The following CSMD3 variants were observed in gnomAD, a reference collection of about 807,000 sequenced individuals.
CSMD3 encodes the protein CUB and sushi domain-containing protein 3.
A neutral mutation model predicts 435.2 loss-of-function variants in CSMD3; 177 were observed. That is an observed-to-expected ratio of 0.41 (90% CI 0.36 to 0.46). The LOEUF (loss-of-function observed/expected upper bound fraction) is 0.46. Ranked by LOEUF, CSMD3 falls within the 20% of genes least tolerant of loss-of-function variation. CSMD3 has a pLI of 0.34. For synonymous variants in CSMD3, 1,656 were observed against 1,520.5 expected (o/e 1.09, Z -2.07); for missense variants, 4,265 against 4,504.6 (o/e 0.95, Z 1.52).
At chr8:112,609,838 C>T (rs1415454986) in intron 22 of CSMD3, among the ~76,000 whole-genome samples, 2 of 152,024 alleles carry the variant, frequency 1.3e-5, no homozygotes, top group Non-Finnish European at 2.9e-5. Flanking sequence ...TATTATTTAG[C>T]ACTTAAAGAG....
In CSMD3 at chr8:112,382,100, G is replaced by A. The variant is rs376476764; in HGVS notation, c.6031+1467C>T. On this transcript the variant is annotated intron_variant, in intron 37 of 70. Coordinates refer to ENST00000297405, the MANE Select transcript of CSMD3 (RefSeq NM_198123.2). ...TGGAAACCAGCCTAGGCAACATAGC[G>A]AGACCTCAGCTCTAAAAAATAAAAT... Among the ~76,000 whole-genome samples the A allele has an allele frequency of 1.8e-4, 28 of 152,008 alleles. 1 individual carries two copies. Among genetic ancestry groups the A allele is most frequent in the South Asian group, 1.7e-3 (8 of 4,816 alleles).
Position 113,198,577 on chromosome 8 carries a change from GTTTGTT to G in CSMD3, c.515-24667_515-24662del, listed in dbSNP as rs1041837943. ...TCATACACTAACTCAGAAGGGTTGT[GTTTGTT>G]TTTGTTTTTGTTTTTTTTTAAAAAG... On this transcript the variant is annotated intron_variant, in intron 3 of 70. Coordinates refer to ENST00000297405, the MANE Select transcript of CSMD3 (RefSeq NM_198123.2). 1.0e-4 allele frequency among the ~76,000 whole-genome samples: 15 copies of G among 150,574 alleles called. 1 individual carries two copies. Among genetic ancestry groups the G allele is most frequent in the African/African-American group, 3.4e-4 (14 of 41,170 alleles).
At chr8:112,238,535 T>C (rs1813813232) in intron 66 of CSMD3, among the ~76,000 whole-genome samples, 1 of 152,020 alleles carries the variant, frequency 6.6e-6, no homozygotes, top group Non-Finnish European at 1.5e-5. Flanking sequence ...TTGATACCAC[T>C]GCCAACTTCC....
intron 5 of CSMD3, among the ~76,000 whole-genome samples, chr8:113,079,593 A>G (rs894082589): frequency 6.6e-6 from 1 of 152,178 alleles, no homozygotes; most frequent in African/African-American, 2.4e-5. Flanking sequence ...TTTGAGTGCT[A>G]GGACTGAAAC....
At position 112,265,566 on chromosome 8, in the gene CSMD3, A is replaced by G. The variant is rs762471353; in HGVS notation, c.9533T>C (p.Ile3178Thr). ...CTIISCGDPG[I>T]PANGLRYGDD... ...TCCATATCTCAGTCCATTGGCTGGT[A>G]TACCTGGGTCTCCACAACTGATTAC... Residue 3178 changes from isoleucine (I) to threonine (T), a missense_variant, in exon 60 of 71, where the codon ATA becomes ACA. By Grantham distance (89) the Ile-to-Thr change is moderately conservative (BLOSUM62 -1). Coordinates refer to ENST00000297405, the MANE Select transcript of CSMD3 (RefSeq NM_198123.2). 6 of 1,613,358 alleles carry G rather than the reference A, an allele frequency of 3.7e-6. No individual in the cohort carries two copies. The highest frequency in any genetic ancestry group is 8.5e-7 in the Non-Finnish European group (1 of 1,179,500).
rs759826733 is a variant in CSMD3, at chr8:112,550,741, G to C, written c.4494C>G (p.Leu1498=). ...SLIPEGIHST[L]NIVTIQFDTD... ...TGTCAAACTGGATGGTTACTATATT[G>C]AGGGTGCTATGAATTCCTTCAGGAA... The change falls in exon 27 of 71, where the codon CTC becomes CTG. Residue 1498 remains leucine (L), a synonymous_variant. Coordinates refer to ENST00000297405, the MANE Select transcript of CSMD3 (RefSeq NM_198123.2). 21 of 1,605,242 alleles carry C rather than the reference G, an allele frequency of 1.3e-5. No homozygotes were observed. The highest frequency in any genetic ancestry group is 1.8e-5 in the Non-Finnish European group (21 of 1,172,452).
At chr8:112,808,137 G>C (rs1395661655) in intron 12 of CSMD3, among the ~76,000 whole-genome samples, 1 of 152,112 alleles carries the variant, frequency 6.6e-6, no homozygotes, top group African/African-American at 2.4e-5. Context: ...AGCTTTCCCA[G>C]AAATTAAGTG....
At chr8:112,301,279 A>G (rs1820899314) in intron 53 of CSMD3, among the ~76,000 whole-genome samples, 1 of 152,064 alleles carries the variant, frequency 6.6e-6, no homozygotes, top group Non-Finnish European at 1.5e-5. Context: ...AAATACTCTA[A>G]GGGGAAAACA....
chr8:112,579,973 T>C (rs1830223888), intron 23 of CSMD3, among the ~76,000 whole-genome samples: 1 of 152,074 alleles, frequency 6.6e-6, no homozygotes, highest in African/African-American at 2.4e-5. Flanking sequence ...GGTAAAAAGA[T>C]TGCCTTGAAT....
At chr8:112,587,264 A>T (rs1354369788) in intron 22 of CSMD3, 29 bp from the exon 23 acceptor site, 2 of 1,514,810 alleles carry the variant, frequency 1.3e-6, no homozygotes, top group Non-Finnish European at 1.8e-6. Flanking sequence ...ATTGAAGTAC[A>T]GTTTAATAGA....
At chr8:112,566,306 C>T (rs1829060168) in intron 24 of CSMD3, among the ~76,000 whole-genome samples, 1 of 151,940 alleles carries the variant, frequency 6.6e-6, no homozygotes, top group Non-Finnish European at 1.5e-5. Context: ...CTCATTTTCT[C>T]CCTGGGAATA....
chr8:113,031,922 T>C (rs1168631353), intron 5 of CSMD3, among the ~76,000 whole-genome samples: 1 of 151,572 alleles, frequency 6.6e-6, no homozygotes, highest in Non-Finnish European at 1.5e-5. Flanking sequence ...GAGGGAGTTC[T>C]CATGAGATAT....
At chr8:113,270,838 G>T (rs1434887063) in intron 3 of CSMD3, among the ~76,000 whole-genome samples, 1 of 151,940 alleles carries the variant, frequency 6.6e-6, no homozygotes, top group Non-Finnish European at 1.5e-5. Context: ...GGTGGGAGGA[G>T]GGGGGAGGGA....
At chr8:112,839,932 G>A (rs1449530899) in intron 11 of CSMD3, among the ~76,000 whole-genome samples, 1 of 151,674 alleles carries the variant, frequency 6.6e-6, no homozygotes, top group Non-Finnish European at 1.5e-5. Flanking sequence ...CCAAAAGACA[G>A]GATGTAAGAT....
chr8:112,880,598 C>A (rs2081418859), intron 10 of CSMD3, among the ~76,000 whole-genome samples: 1 of 152,018 alleles, frequency 6.6e-6, no homozygotes, highest in African/African-American at 2.4e-5. Context: ...TACAGAAAAA[C>A]TCTGGAATTC....
chr8:112,517,084 A>T lies in CSMD3; in HGVS notation c.4706T>A (p.Ile1569Asn). ...CCAGAAGTACCGATTTTCTACCTGAATGCAGGTTATTCTTTCCTCTCCTTG... is the reference window on the plus strand; with the variant it reads ...CCAGAAGTACCGATTTTCTACCTGATTGCAGGTTATTCTTTCCTCTCCTTG... ...ELQGEERITCIQVENRYFWQP... is the reference protein window; with the variant it reads ...ELQGEERITCNQVENRYFWQP... The change falls in exon 28 of 71, where the codon ATT (isoleucine) becomes AAT (asparagine). Residue 1569 changes from isoleucine to asparagine, a missense_variant. Physicochemically the swap from Ile to Asn is moderately radical, Grantham distance 149. Coordinates refer to ENST00000297405, the MANE Select transcript of CSMD3 (RefSeq NM_198123.2). 6.2e-7 allele frequency: 1 copy of T among 1,613,924 alleles called. No homozygotes were observed. Among genetic ancestry groups the T allele is most frequent in the Non-Finnish European group, 8.5e-7 (1 of 1,179,914 alleles).
At chr8:112,288,026 G>C (rs1470426495) in intron 57 of CSMD3, among the ~76,000 whole-genome samples, 1 of 117,870 alleles carries the variant, frequency 8.5e-6, no homozygotes, top group Non-Finnish European at 2.0e-5. Flanking sequence ...GAGCGAGCTA[G>C]AGAGAAAGAG....
chr8:113,267,177 G>A (rs2093478659), intron 3 of CSMD3, among the ~76,000 whole-genome samples: 1 of 151,602 alleles, frequency 6.6e-6, no homozygotes, highest in Admixed American at 6.6e-5. Context: ...AGCCACTATA[G>A]AAAACAGTAT....
At chr8:113,301,982 A>T (rs192350757) in intron 2 of CSMD3, among the ~76,000 whole-genome samples, 7 of 151,590 alleles carry the variant, frequency 4.6e-5, no homozygotes, top group Admixed American at 1.3e-4. Context: ...ATTTTAATTT[A>T]TATTTAGTAA....
Sources: gnomAD v4.1 joint callset for allele counts (sites outside exome capture counted in the v4.1 genomes callset) on GRCh38, gnomAD v4.1.1 for gene constraint, MANE v1.5 for transcripts, NCBI Gene and HGNC (gene_info 2026-07-23, HGNC 2026-07-21) for gene names.